Variants in AGBL1 observed in about 807,000 individuals in gnomAD.
The protein encoded by AGBL1 is cytosolic carboxypeptidase 4.
Under a neutral mutation model 118.9 loss-of-function variants are expected in AGBL1, and 130 were observed. The ratio of observed to expected loss-of-function variants is 1.09; its 90% CI spans 0.95 to 1.26. AGBL1 has a LOEUF of 1.26. Among genes scored for constraint, AGBL1 ranks in the 50% most tolerant of loss-of-function variants. The pLI is 0.00. For synonymous variants in AGBL1, 555 were observed against 478.9 expected, an observed-to-expected ratio of 1.16 and a Z score of -2.08; for missense variants, 1,584 against 1,298.1, an observed-to-expected ratio of 1.22 and a Z score of -3.38.
intron 22 of AGBL1, among the ~76,000 whole-genome samples, chr15:86,857,357 C>A (rs756827608): frequency 6.6e-6 from 1 of 152,142 alleles, no homozygotes; most frequent in African/African-American, 2.4e-5. Flanking sequence ...TCATGGCCTG[C>A]GTCTCTTTTC....
chr15:86,184,235 T>C (rs559023786), intron 5 of AGBL1, among the ~76,000 whole-genome samples: 107 of 152,226 alleles, frequency 7.0e-4, no homozygotes, highest in African/African-American at 2.5e-3. Context: ...CCAAGTAGCA[T>C]CCTAGTAGTA....
At position 86,749,382 on chromosome 15, in the gene AGBL1, G is replaced by A. The variant is rs186887545; in HGVS notation, c.3158+74946G>A. ...TTTTGTATCCTGAGACTTTGCTGAA[G>A]TTGCTTATCAGCTTAAGGAGATTTT... is the stretch of plus-strand genomic sequence containing the variant. On this transcript the variant is annotated intron_variant, in intron 22 of 22. Coordinates refer to ENST00000614907, the MANE Select transcript of AGBL1 (RefSeq NM_001386094.1). Among the ~76,000 whole-genome samples the A allele has an allele frequency of 2.6e-5, 4 of 152,270 alleles. No homozygotes were observed. The East Asian group carries it at 7.7e-4, about 29-fold the overall frequency.
Position 86,546,126 on chromosome 15 carries a change from A to T in AGBL1, c.2810A>T (p.Asn937Ile). The T allele has an allele frequency of 1.2e-6, 2 of 1,612,412 alleles. No individual in the cohort carries two copies. Among genetic ancestry groups the T allele is most frequent in the Non-Finnish European group, 1.7e-6 (2 of 1,178,874 alleles). The change falls in exon 20 of 23, where the codon AAC (asparagine) becomes ATC (isoleucine). Residue 937 changes from asparagine (N) to isoleucine (I), a missense_variant. Physicochemically the swap from Asn to Ile is moderately radical, Grantham distance 149. Coordinates refer to ENST00000614907, the MANE Select transcript of AGBL1 (RefSeq NM_001386094.1). The stretch of plus-strand genomic sequence containing the variant: ...ACATCTACTATCCTAGAGGAGGTCA[A>T]CTACAGGGTAAGCCGCTGTGGGGAA... The part of the protein sequence containing the change: ...VGTSTILEEV[N>I]YRTLPKILDK...
chr15:86,585,515 C>T (rs185926913), intron 21 of AGBL1, among the ~76,000 whole-genome samples: 14 of 152,140 alleles, frequency 9.2e-5, no homozygotes, highest in South Asian at 4.2e-4. Context: ...GTGTGTGCCA[C>T]GATGCCCAGC....
chr15:86,995,168 G>A (rs1407535707), intron 24 of AGBL1, among the ~76,000 whole-genome samples: 2 of 152,074 alleles, frequency 1.3e-5, no homozygotes, highest in African/African-American at 2.4e-5. Flanking sequence ...TGGGAAGATC[G>A]CTTGAGCCCA....
rs201857063 is a variant in AGBL1, at chr15:86,596,504, C to T, written c.2994+41967C>T. ...AGGGCCCTTGGGCCCCACACCTAAGCGATCTTCTTCCAGTACATCTCCTCA... is the reference window on the plus strand; with the variant it reads ...AGGGCCCTTGGGCCCCACACCTAAGTGATCTTCTTCCAGTACATCTCCTCA... On this transcript the variant is annotated intron_variant, in intron 21 of 22. Transcript: ENST00000614907. Among the ~76,000 whole-genome samples, 33 of 152,274 alleles carry T rather than the reference C, an allele frequency of 2.2e-4. No individual in the cohort carries two copies. In the East Asian group the frequency reaches 5.2e-3, roughly 24 times the overall value.
At chr15:86,849,857 CAG>C (rs1229323506) in intron 22 of AGBL1, among the ~76,000 whole-genome samples, 1 of 152,220 alleles carries the variant, frequency 6.6e-6, no homozygotes, top group East Asian at 1.9e-4. Flanking sequence ...GCTTTAGAAA[CAG>C]AGTGAGTAAG....
At chr15:86,540,164 T>A (rs1414626164) in intron 19 of AGBL1, among the ~76,000 whole-genome samples, 2 of 152,156 alleles carry the variant, frequency 1.3e-5, no homozygotes, top group East Asian at 1.9e-4. Context: ...CTATCTAGAG[T>A]CTTCAATAAA....
At chr15:86,717,372 C>T (rs2086653807) in intron 22 of AGBL1, among the ~76,000 whole-genome samples, 3 of 152,090 alleles carry the variant, frequency 2.0e-5, no homozygotes, top group Admixed American at 2.0e-4. Flanking sequence ...CTACTAAACC[C>T]AGGGGAGAAT....
chr15:86,801,824 CA>C (rs1431903782), intron 22 of AGBL1, among the ~76,000 whole-genome samples: 1 of 152,024 alleles, frequency 6.6e-6, no homozygotes, highest in East Asian at 1.9e-4. Context: ...TAGAAAAGAT[CA>C]TTGCTGTGGT....
At chr15:86,136,196 A>G (rs953970586) in intron 1 of AGBL1, among the ~76,000 whole-genome samples, 2 of 152,182 alleles carry the variant, frequency 1.3e-5, no homozygotes, top group Non-Finnish European at 2.9e-5. Context: ...CACAAAATCC[A>G]TAGCTAGAAT....
intron 22 of AGBL1, among the ~76,000 whole-genome samples, chr15:86,710,111 A>T (rs557167216): frequency 6.6e-6 from 1 of 152,306 alleles, no homozygotes; most frequent in African/African-American, 2.4e-5. Context: ...AAATAGAAGG[A>T]TTGTATGTGA....
chr15:86,950,512 G>GA (rs199811821), intron 23 of AGBL1, among the ~76,000 whole-genome samples: 5,856 of 147,714 alleles, frequency 0.04, 160 homozygotes, highest in Middle Eastern at 0.074. Flanking sequence ...TAACCAAAAA[G>GA]AAAAAAATAT....
Position 86,860,258 on chromosome 15 carries a change from T to C in AGBL1, c.3159-46829T>C, listed in dbSNP as rs544466839. On this transcript the variant is annotated intron_variant, in intron 22 of 22. Transcript: ENST00000614907. ...ACAGGAGATGACGCATGCATGGCTC[T>C]GAGTTTAGTGCCCAGCACATGGTGA... Among the ~76,000 whole-genome samples, 6 of 152,184 alleles carry C rather than the reference T, an allele frequency of 3.9e-5. No homozygotes were observed. In the South Asian group the frequency reaches 6.2e-4, roughly 16 times the overall value.
At chr15:86,568,099 A>G (rs1289652649) in intron 21 of AGBL1, among the ~76,000 whole-genome samples, 1 of 151,994 alleles carries the variant, frequency 6.6e-6, no homozygotes, top group Non-Finnish European at 1.5e-5. Context: ...TTAGGTAATT[A>G]GCTTAATTCT....
At chr15:86,446,323 C>T (rs1213834737) in intron 18 of AGBL1, among the ~76,000 whole-genome samples, 1 of 152,232 alleles carries the variant, frequency 6.6e-6, no homozygotes, top group Non-Finnish European at 1.5e-5. Flanking sequence ...CTGTTCTTTT[C>T]CCTCTCCAGA....
At chr15:86,434,868 T>C (rs558563584) in intron 18 of AGBL1, among the ~76,000 whole-genome samples, 19 of 152,330 alleles carry the variant, frequency 1.2e-4, no homozygotes, top group African/African-American at 4.6e-4. Context: ...CCAGCTGTAA[T>C]TGATGTAGAA....
chr15:86,120,243 A>G (rs116648953), intron 1 of AGBL1, among the ~76,000 whole-genome samples: 32 of 152,264 alleles, frequency 2.1e-4, no homozygotes, highest in African/African-American at 7.7e-4. Context: ...TGATAGATGA[A>G]CACCTATTGG....
rs756052402 is a variant in AGBL1 at position 86,390,660 on chromosome 15, A to ATTTTTT, written c.2375-6685_2375-6680dup. 2.4e-4 allele frequency among the ~76,000 whole-genome samples: 18 copies of ATTTTTT among 75,470 alleles called. 1 individual carries two copies. Among genetic ancestry groups the ATTTTTT allele is most frequent in the South Asian group, 1.3e-3 (2 of 1,496 alleles). 49.5% of individuals were successfully genotyped at this position (75,470 alleles called of 152,430 possible). A position where few individuals can be genotyped will look rare whatever the true frequency, so the allele number is the denominator to read the frequency against. On this transcript the variant is annotated intron_variant, in intron 17 of 22. Transcript: ENST00000614907. ...AGGCAGAAAAGTTATATACTGTATG[A>ATTTTTT]TTTTTTTTTTTTTTTTTTTTTTTTT...
Sources: allele counts gnomAD v4.1 joint callset (sites outside exome capture counted in the v4.1 genomes callset), GRCh38; gene constraint gnomAD v4.1.1; transcripts MANE v1.5; gene names NCBI Gene and HGNC (gene_info 2026-07-23, HGNC 2026-07-21).